Variants in NDST3 observed in about 807,000 individuals in gnomAD.
The protein encoded by NDST3 is N-deacetylase and N-sulfotransferase 3.
A neutral mutation model predicts 96.1 loss-of-function variants in NDST3; 58 were observed. That is an observed-to-expected ratio of 0.60 (90% CI 0.49 to 0.75). The LOEUF (loss-of-function observed/expected upper bound fraction) is 0.75. NDST3 is among the 30% of genes least tolerant of loss of function. The pLI, the probability that NDST3 is intolerant of heterozygous loss-of-function variation, is 0.00. For missense variants in NDST3, 788 were observed against 1,034.2 expected (o/e 0.76, Z 3.27); for synonymous variants, 333 against 359.7 (o/e 0.93, Z 0.84).
intron 2 of NDST3, among the ~76,000 whole-genome samples, chr4:118,070,980 T>C (rs972717686): frequency 6.6e-6 from 1 of 152,098 alleles, no homozygotes; most frequent in Admixed American, 6.6e-5. Context: ...CATGAACTTG[T>C]TTTTTGTCCT....
intron 6 of NDST3, among the ~76,000 whole-genome samples, chr4:118,221,666 G>C (rs920353887): frequency 1.3e-5 from 2 of 151,948 alleles, no homozygotes; most frequent in Non-Finnish European, 2.9e-5. Context: ...CTCTCATAAA[G>C]ACTAATGTAT....
intron 4 of NDST3, among the ~76,000 whole-genome samples, chr4:118,128,747 T>A (rs1578691162): frequency 1.3e-5 from 2 of 152,070 alleles, no homozygotes; most frequent in Non-Finnish European, 2.9e-5. Context: ...TTTGGAATAG[T>A]TTCAGTAGGA....
chr4:118,184,469 T>TTC (rs929641324), intron 6 of NDST3, among the ~76,000 whole-genome samples: 39 of 152,028 alleles, frequency 2.6e-4, no homozygotes, highest in African/African-American at 9.2e-4. Context: ...ACTGCAACTC[T>TTC]TCTCTGTGTC....
At chr4:118,230,808 T>C (rs913838128) in intron 8 of NDST3, among the ~76,000 whole-genome samples, 12 of 152,182 alleles carry the variant, frequency 7.9e-5, no homozygotes, top group Non-Finnish European at 1.5e-4. Flanking sequence ...TGTTCATTGT[T>C]TGGCTCAGAT....
At chr4:118,120,011 G>A (rs1009711396) in intron 4 of NDST3, among the ~76,000 whole-genome samples, 3 of 152,068 alleles carry the variant, frequency 2.0e-5, no homozygotes, top group Non-Finnish European at 2.9e-5. Flanking sequence ...ATAAGGAAAA[G>A]TATGGAAGTC....
chr4:118,223,414 G>A (rs1388731306), intron 6 of NDST3, among the ~76,000 whole-genome samples: 1 of 152,022 alleles, frequency 6.6e-6, no homozygotes, highest in Non-Finnish European at 1.5e-5. Flanking sequence ...GGTACAGACA[G>A]CTATTTTAAA....
chr4:118,081,103 T>C (rs1192352896), intron 2 of NDST3, among the ~76,000 whole-genome samples: 1 of 152,198 alleles, frequency 6.6e-6, no homozygotes, highest in Non-Finnish European at 1.5e-5. Flanking sequence ...ATAGGAATGA[T>C]AATAATACCT....
chr4:118,198,221 G>C (rs550361511), intron 6 of NDST3, among the ~76,000 whole-genome samples: 2 of 152,168 alleles, frequency 1.3e-5, no homozygotes, highest in Non-Finnish European at 2.9e-5. Flanking sequence ...TGGCTGTTTT[G>C]TGGTCTTCTC....
chr4:118,108,950 T>C (rs1234816482), intron 3 of NDST3, among the ~76,000 whole-genome samples: 1 of 152,246 alleles, frequency 6.6e-6, no homozygotes, highest in Non-Finnish European at 1.5e-5. Flanking sequence ...TTGGTTCTTA[T>C]TGTAACCTCA....
At chr4:118,219,113 C>T (rs1739379018) in intron 6 of NDST3, among the ~76,000 whole-genome samples, 1 of 152,026 alleles carries the variant, frequency 6.6e-6, no homozygotes, top group Non-Finnish European at 1.5e-5. Flanking sequence ...GCCATACTGC[C>T]CAAAGTAATT....
intron 6 of NDST3, among the ~76,000 whole-genome samples, chr4:118,187,494 A>G (rs1367645557): frequency 6.6e-6 from 1 of 152,180 alleles, no homozygotes; most frequent in Non-Finnish European, 1.5e-5. Context: ...TTGATTGACT[A>G]TGAAGGAACA....
intron 5 of NDST3, among the ~76,000 whole-genome samples, chr4:118,142,512 G>A (rs1733644353): frequency 6.6e-6 from 1 of 151,942 alleles, no homozygotes; most frequent in African/African-American, 2.4e-5. Context: ...TGCAAAACAT[G>A]GGAAGTCCTG....
At chr4:118,184,638 C>CACACACAG (rs879871448) in intron 6 of NDST3, among the ~76,000 whole-genome samples, 1 of 151,306 alleles carries the variant, frequency 6.6e-6, no homozygotes. Flanking sequence ...CACACACACA[C>CACACACAG]ACACATATTC....
chr4:118,059,901 C>G (rs1725757897), intron 2 of NDST3, among the ~76,000 whole-genome samples: 1 of 152,042 alleles, frequency 6.6e-6, no homozygotes, highest in African/African-American at 2.4e-5. Context: ...TCCATTATAT[C>G]TGATGTTTCT....
At chr4:118,202,471 T>C (rs1738153787) in intron 6 of NDST3, among the ~76,000 whole-genome samples, 1 of 152,264 alleles carries the variant, frequency 6.6e-6, no homozygotes, top group South Asian at 2.1e-4. Flanking sequence ...TTTCCCCATT[T>C]ATGTCATCTC....
intron 2 of NDST3, among the ~76,000 whole-genome samples, chr4:118,093,840 T>C (rs1300108220): frequency 6.6e-6 from 1 of 151,842 alleles, no homozygotes; most frequent in Non-Finnish European, 1.5e-5. Flanking sequence ...AATAGAAATT[T>C]AGTTCTGGGA....
chr4:118,034,101 C>T (rs1724018588), upstream of NDST3, among the ~76,000 whole-genome samples: 6 of 152,080 alleles, frequency 3.9e-5, no homozygotes, highest in Non-Finnish European at 1.5e-5. Flanking sequence ...TTTATTTAGA[C>T]AATGGAAAGA....
At chr4:118,189,978 T>C (rs1737199916) in intron 6 of NDST3, among the ~76,000 whole-genome samples, 1 of 152,060 alleles carries the variant, frequency 6.6e-6, no homozygotes, top group Non-Finnish European at 1.5e-5. Context: ...ATTTTGCCTA[T>C]TTTTTAGTCC....
At chr4:118,182,364 T>G (rs1014372051) in intron 6 of NDST3, among the ~76,000 whole-genome samples, 6 of 152,148 alleles carry the variant, frequency 3.9e-5, no homozygotes, top group Non-Finnish European at 7.4e-5. Flanking sequence ...AAACCAATAA[T>G]ACTATGGAAA....
Sources: allele counts gnomAD v4.1 joint callset (sites outside exome capture counted in the v4.1 genomes callset), GRCh38; gene constraint gnomAD v4.1.1; transcripts MANE v1.5; gene names NCBI Gene and HGNC (gene_info 2026-07-23, HGNC 2026-07-21).